The following PARG variants were observed in gnomAD, a reference collection of about 807,000 sequenced individuals.
PARG encodes the protein poly(ADP-ribose) glycohydrolase.
In PARG, 35 loss-of-function variants were observed where a neutral mutation model predicts 113.0. That is an observed-to-expected ratio of 0.31 (90% CI 0.24 to 0.41). The LOEUF is 0.41. PARG is among the 10% of genes least tolerant of loss of function. PARG has a pLI of 1.00. For synonymous variants in PARG, 330 were observed against 409.9 expected (o/e 0.81, Z 2.36); for missense variants, 797 against 1,169.4 (o/e 0.68, Z 4.64).
intron 1 of PARG, 143 bp downstream of exon 1, chr10:49,941,366 G>C (rs1839051543): frequency 1.3e-6 from 1 of 768,242 alleles, no homozygotes; most frequent in Admixed American, 2.0e-5. Flanking sequence ...CCCACTAGTG[G>C]CTTTGGTAGC....
chr10:49,940,672 GC>G (rs1272936710), intron 1 of PARG, among the ~76,000 whole-genome samples: 2 of 152,028 alleles, frequency 1.3e-5, no homozygotes, highest in African/African-American at 4.8e-5. Flanking sequence ...GATTACAGTT[GC>G]CCGCCACCAC....
intron 8 of PARG, among the ~76,000 whole-genome samples, chr10:49,881,895 C>T (rs1847234524): frequency 6.6e-6 from 1 of 152,176 alleles, no homozygotes; most frequent in Non-Finnish European, 1.5e-5. Flanking sequence ...TCTCCATTTT[C>T]CATCCCGTGC....
intron 1 of PARG, among the ~76,000 whole-genome samples, chr10:49,938,709 C>G (rs1320220666): frequency 5.3e-5 from 8 of 151,914 alleles, no homozygotes; most frequent in African/African-American, 1.5e-4. Flanking sequence ...GTAGCTGGGA[C>G]TACAGGTGCA....
At position 49,935,157 on chromosome 10, in the gene PARG, G is replaced by A. The variant is rs1247937328; in HGVS notation, c.218-15C>T. ...TTGTTTGAAAACTATAAAAAAAAAT[G>A]TATATTCATACATTCCTTCAAATAT... On this transcript the variant is annotated splice_polypyrimidine_tract_variant and intron_variant, in intron 1 of 17. Transcript: ENST00000616448. 4.2e-6 allele frequency: 3 copies of A among 720,578 alleles called. No individual in the cohort carries two copies. The highest frequency in any genetic ancestry group is 7.5e-6 in the Non-Finnish European group (3 of 401,648). 44.6% of individuals were successfully genotyped at this position (720,578 alleles called of 1,614,324 possible).
At chr10:49,837,011 A>C (rs1844970404) in intron 15 of PARG, among the ~76,000 whole-genome samples, 1 of 152,154 alleles carries the variant, frequency 6.6e-6, no homozygotes, top group African/African-American at 2.4e-5. Flanking sequence ...GAAGTCATAA[A>C]TCTTTCTAAC....
chr10:49,842,192 C>CA (rs1383818150), intron 14 of PARG, 134 bp from the exon 15 acceptor site: 1 of 636,120 alleles, frequency 1.6e-6, no homozygotes, highest in Non-Finnish European at 2.8e-6. Flanking sequence ...CAGGTCTGAG[C>CA]AAAAGGAAAG....
intron 13 of PARG, among the ~76,000 whole-genome samples, chr10:49,853,523 C>A (rs1845853050): frequency 6.6e-6 from 1 of 152,072 alleles, no homozygotes; most frequent in South Asian, 2.1e-4. Context: ...TAGTACCTTG[C>A]CCAATTATAT....
In PARG at chr10:49,843,587, C is replaced by T. The variant is rs1332832972; in HGVS notation, c.2399G>A (p.Arg800His). 22 of 1,550,964 alleles carry T rather than the reference C, an allele frequency of 1.4e-5. No individual in the cohort carries two copies. The highest frequency in any genetic ancestry group is 1.1e-4 in the South Asian group (9 of 84,050). The change falls in exon 14 of 18, where the codon CGT becomes CAT. Residue 800 changes from arginine (R) to histidine (H), a missense_variant. This residue lies in a region of PARG where 194 missense variants were observed against 247.1 expected (regional missense o/e 0.79). Coordinates refer to ENST00000616448, the MANE Select transcript of PARG (RefSeq NM_003631.5). ...CCCATCTTCGTGGCTCCGGGACCAACGATATGTCTCAGCATAGCCTGTGTA... is the reference window on the plus strand; with the variant it reads ...CCCATCTTCGTGGCTCCGGGACCAATGATATGTCTCAGCATAGCCTGTGTA... ...SEYTGYAETYRWSRSHEDGSE... is the reference protein window; with the variant it reads ...SEYTGYAETYHWSRSHEDGSE...
intron 13 of PARG, among the ~76,000 whole-genome samples, chr10:49,845,888 C>CT (rs1363686888): frequency 2.0e-5 from 3 of 151,734 alleles, no homozygotes; most frequent in African/African-American, 4.8e-5. Context: ...CAGAGTGAGA[C>CT]TTTGTCTCAA....
intron 9 of PARG, among the ~76,000 whole-genome samples, chr10:49,878,628 A>T (rs1554838833): frequency 6.6e-6 from 1 of 151,506 alleles, no homozygotes; most frequent in African/African-American, 2.4e-5. Flanking sequence ...AAAATTAAAA[A>T]AAAAAAAAAA....
intron 1 of PARG, among the ~76,000 whole-genome samples, chr10:49,940,771 A>G (rs1589019423): frequency 6.6e-6 from 1 of 151,864 alleles, no homozygotes; most frequent in Non-Finnish European, 1.5e-5. Flanking sequence ...CAGGTGATCC[A>G]CCCGCCCCAG....
chr10:49,857,279 C>T, intron 13 of PARG, 27 bp downstream of exon 13: 1 of 833,526 alleles, frequency 1.2e-6, no homozygotes, highest in Non-Finnish European at 2.0e-6. Context: ...GAAGACTACC[C>T]CATTTTCCAG....
intron 15 of PARG, among the ~76,000 whole-genome samples, chr10:49,840,007 T>C (rs1398787049): frequency 6.6e-6 from 1 of 152,208 alleles, no homozygotes; most frequent in East Asian, 1.9e-4. Flanking sequence ...CCTAAAAACA[T>C]CATGGTACTG....
chr10:49,820,937 T>C (rs1554828504), intron 16 of PARG, among the ~76,000 whole-genome samples: 1 of 152,198 alleles, frequency 6.6e-6, no homozygotes, highest in Non-Finnish European at 1.5e-5. Flanking sequence ...TTGTGTTTGC[T>C]TACTTGATAT....
At chr10:49,891,316 A>T (rs1847768737) in intron 7 of PARG, among the ~76,000 whole-genome samples, 1 of 150,744 alleles carries the variant, frequency 6.6e-6, no homozygotes. Context: ...TTTGTCTCAA[A>T]AATAAATAAA....
rs1342495955 is a variant in PARG, at chr10:49,904,112, T to C, written c.1737+11805A>G. Among the ~76,000 whole-genome samples, 5 of 151,202 alleles carry C rather than the reference T, an allele frequency of 3.3e-5. No homozygotes were observed. The East Asian group carries it at 1.0e-3, about 30-fold the overall frequency. ...ATCATACTGTAAGATGAGGAAATGGTAGATGAGCAGAAAAAGGTGGCTGAG... is the reference window on the plus strand; with the variant it reads ...ATCATACTGTAAGATGAGGAAATGGCAGATGAGCAGAAAAAGGTGGCTGAG... On this transcript the variant is annotated intron_variant, in intron 7 of 17. Coordinates refer to ENST00000616448, the MANE Select transcript of PARG (RefSeq NM_003631.5).
intron 13 of PARG, among the ~76,000 whole-genome samples, chr10:49,848,658 A>G (rs1845622549): frequency 6.6e-6 from 1 of 151,466 alleles, no homozygotes; most frequent in Non-Finnish European, 1.5e-5. Context: ...TTCTTCCTCC[A>G]TGCTCCCAAG....
chr10:49,849,497 T>C (rs1845661018), intron 13 of PARG, among the ~76,000 whole-genome samples: 1 of 151,844 alleles, frequency 6.6e-6, no homozygotes, highest in Non-Finnish European at 1.5e-5. Context: ...TGATAAAGGA[T>C]TTATATCCAA....
intron 16 of PARG, among the ~76,000 whole-genome samples, chr10:49,829,377 C>T (rs1222623364): frequency 4.6e-5 from 7 of 152,044 alleles, no homozygotes; most frequent in African/African-American, 7.2e-5. Context: ...GGACTATAGG[C>T]GCATACCATT....
Sources: gnomAD v4.1 joint callset for allele counts (sites outside exome capture counted in the v4.1 genomes callset) on GRCh38, gnomAD v4.1.1 for gene constraint, gnomAD v4.1.1 regional missense constraint, MANE v1.5 for transcripts, NCBI Gene and HGNC (gene_info 2026-07-23, HGNC 2026-07-21) for gene names.